The following FRMPD2 variants were observed in gnomAD, a reference collection of about 807,000 sequenced individuals.
The protein encoded by FRMPD2 is FERM and PDZ domain containing 2, also known as FERM and PDZ domain-containing protein 2.
FRMPD2 carries 96 observed loss-of-function variants against 140.1 expected under a neutral mutation model. The ratio of observed to expected loss-of-function variants is 0.69; its 90% CI spans 0.58 to 0.81. The LOEUF is 0.81. Among genes scored for constraint, FRMPD2 ranks in the 40% least tolerant of loss-of-function variants. The probability of loss-of-function intolerance (pLI) is 0.00; values close to 1 mark genes in which losing one functional copy is unlikely to be tolerated. For missense variants in FRMPD2, 1,240 were observed against 1,447.4 expected (o/e 0.86, Z 2.32); for synonymous variants, 449 against 547.6 (o/e 0.82, Z 2.52).
In FRMPD2 at chr10:48,206,888, A is replaced by C; in HGVS notation, c.1657T>G (p.Phe553Val). 6.2e-7 allele frequency: 1 copy of C among 1,614,048 alleles called. No homozygotes were observed. The highest frequency in any genetic ancestry group is 2.2e-5 in the East Asian group (1 of 44,870). Residue 553 changes from phenylalanine (F) to valine (V), a missense_variant, in exon 14 of 29, where the codon TTC becomes GTC. Physicochemically the swap from Phe to Val is conservative, Grantham distance 50. This residue lies in a region of FRMPD2 where 1,161 missense variants were observed against 1,055.9 expected (regional missense o/e 1.10). Coordinates refer to ENST00000374201, the MANE Select transcript of FRMPD2 (RefSeq NM_001018071.4). Reference sequence around the variant, plus strand: ...TCTTCTGGCCTCCTCTTCTCTGAGAATACTTGGTGAACCAGCACACCGTAT... The same window carrying C: ...TCTTCTGGCCTCCTCTTCTCTGAGACTACTTGGTGAACCAGCACACCGTAT... ...PEYGVLVHQVFSEKRRPEEEM... is the reference protein window; with the variant it reads ...PEYGVLVHQVVSEKRRPEEEM...
intron 1 of FRMPD2, among the ~76,000 whole-genome samples, chr10:48,270,496 G>A (rs1314688439): frequency 6.6e-6 from 1 of 152,210 alleles, no homozygotes; most frequent in East Asian, 1.9e-4. Flanking sequence ...TAAAGGCAAT[G>A]CCAAATGTCA....
At chr10:48,242,536 C>T (rs115779386) in intron 4 of FRMPD2, among the ~76,000 whole-genome samples, 184 bp from the exon 5 acceptor site, 2,205 of 152,362 alleles carry the variant, frequency 0.014, 51 homozygotes, top group African/African-American at 0.048. Context: ...CCGCAAAGTG[C>T]GGAGCAATCA....
At chr10:48,195,767 C>A (rs1045094482) in intron 15 of FRMPD2, among the ~76,000 whole-genome samples, 1 of 152,156 alleles carries the variant, frequency 6.6e-6, no homozygotes, top group African/African-American at 2.4e-5. Context: ...TATTGTAATT[C>A]CACACAAATC....
At chr10:48,246,419 G>A (rs1215140334) in intron 3 of FRMPD2, among the ~76,000 whole-genome samples, 1 of 152,228 alleles carries the variant, frequency 6.6e-6, no homozygotes, top group Non-Finnish European at 1.5e-5. Context: ...TCTAAATTCA[G>A]CTCACTGGTA....
At chr10:48,251,749 C>T (rs1345451209) in intron 1 of FRMPD2, 58 bp from the exon 2 acceptor site, 2 of 1,595,584 alleles carry the variant, frequency 1.3e-6, no homozygotes, top group African/African-American at 2.7e-5. Flanking sequence ...CATGTCCGGG[C>T]CCGTACTCGC....
At chr10:48,210,744 A>G (rs1201867529) in intron 13 of FRMPD2, among the ~76,000 whole-genome samples, 3 of 152,244 alleles carry the variant, frequency 2.0e-5, no homozygotes, top group Non-Finnish European at 4.4e-5. Flanking sequence ...ACCATGTTAG[A>G]TACAGGGATA....
intron 15 of FRMPD2, among the ~76,000 whole-genome samples, chr10:48,200,187 AATAAATAAAT>A (rs1172293048): frequency 3.3e-5 from 5 of 150,210 alleles, no homozygotes; most frequent in Non-Finnish European, 7.4e-5. Context: ...TAAATAAATA[AATAAATAAAT>A]AAAACAGAGC....
At chr10:48,269,717 G>A (rs1029628828) in intron 1 of FRMPD2, among the ~76,000 whole-genome samples, 1 of 152,214 alleles carries the variant, frequency 6.6e-6, no homozygotes, top group Non-Finnish European at 1.5e-5. Context: ...GCTTCATTCA[G>A]TCAAATTAAT....
At chr10:48,218,546 G>C (rs1047881715) in intron 12 of FRMPD2, among the ~76,000 whole-genome samples, 4 of 152,130 alleles carry the variant, frequency 2.6e-5, no homozygotes, top group African/African-American at 9.7e-5. Context: ...TGACCATGGG[G>C]TTAGACTCAA....
chr10:48,231,260 G>A (rs1670257593), intron 10 of FRMPD2, among the ~76,000 whole-genome samples: 1 of 152,174 alleles, frequency 6.6e-6, no homozygotes, highest in African/African-American at 2.4e-5. Context: ...GGAGCTGGGA[G>A]GCCATAAGGG....
intron 13 of FRMPD2, among the ~76,000 whole-genome samples, chr10:48,208,170 C>A (rs1166114163): frequency 2.6e-5 from 4 of 152,100 alleles, no homozygotes; most frequent in African/African-American, 7.2e-5. Context: ...GTTTAAAAAG[C>A]AGGGCCACCA....
chr10:48,253,236 T>C (rs1840427083), intron 1 of FRMPD2, among the ~76,000 whole-genome samples: 1 of 152,220 alleles, frequency 6.6e-6, no homozygotes, highest in Non-Finnish European at 1.5e-5. Context: ...AACAAATAGT[T>C]CTGGATCCAT....
At chr10:48,186,601 C>T (rs948012840) in intron 17 of FRMPD2, among the ~76,000 whole-genome samples, 7 of 152,304 alleles carry the variant, frequency 4.6e-5, no homozygotes, top group African/African-American at 1.7e-4. Flanking sequence ...CACCTCCCAC[C>T]GTGATTCTGA....
chr10:48,238,713 G>A (rs577086501), intron 7 of FRMPD2, among the ~76,000 whole-genome samples: 10 of 152,258 alleles, frequency 6.6e-5, no homozygotes, highest in Admixed American at 3.3e-4. Context: ...AATAAACACC[G>A]TTCCAGGTCC....
chr10:48,181,680 G>A (rs538543428), intron 20 of FRMPD2, among the ~76,000 whole-genome samples: 1 of 151,862 alleles, frequency 6.6e-6, no homozygotes, highest in Non-Finnish European at 1.5e-5. Context: ...GAAAAACCTT[G>A]GGCAAGGTGC....
At chr10:48,159,281 G>A (rs1363360364) in intron 28 of FRMPD2, 49 of 454,764 alleles carry the variant, frequency 1.1e-4, no homozygotes, top group Non-Finnish European at 1.7e-4. Context: ...TGCCAGATTT[G>A]AAGCTCAGAT....
At chr10:48,202,272 C>T (rs1839104246) in intron 14 of FRMPD2, among the ~76,000 whole-genome samples, 1 of 152,072 alleles carries the variant, frequency 6.6e-6, no homozygotes, top group South Asian at 2.1e-4. Flanking sequence ...ATAAAGGTAA[C>T]TTTATAGAAA....
chr10:48,271,990 G>C (rs943738557), intron 1 of FRMPD2, among the ~76,000 whole-genome samples: 1 of 152,186 alleles, frequency 6.6e-6, no homozygotes, highest in Non-Finnish European at 1.5e-5. Flanking sequence ...GAATAGGCTA[G>C]AGACAAGCCA....
At chr10:48,172,574 A>G (rs1289062805) in intron 25 of FRMPD2, among the ~76,000 whole-genome samples, 3 of 151,782 alleles carry the variant, frequency 2.0e-5, no homozygotes, top group African/African-American at 7.3e-5. Flanking sequence ...CATTCCTCAA[A>G]TAACTTTGTT....
Sources: allele counts gnomAD v4.1 joint callset (sites outside exome capture counted in the v4.1 genomes callset), GRCh38; gene constraint gnomAD v4.1.1; regional missense constraint gnomAD v4.1.1; transcripts MANE v1.5; gene names NCBI Gene and HGNC (gene_info 2026-07-23, HGNC 2026-07-21).